CCSER1: variants seen among roughly 807,000 people sequenced by gnomAD.
CCSER1 encodes the protein coiled-coil serine rich protein 1, also known as serine-rich coiled-coil domain-containing protein 1.
CCSER1 carries 41 observed loss-of-function variants against 82.0 expected under a neutral mutation model. That is an observed-to-expected ratio of 0.50 (90% CI 0.39 to 0.65). The LOEUF is 0.65. Ranked by LOEUF, CCSER1 falls within the 30% of genes least tolerant of loss-of-function variation. The probability of loss-of-function intolerance (pLI) is 0.00; values close to 1 mark genes in which losing one functional copy is unlikely to be tolerated. For missense variants in CCSER1, 1,119 were observed against 1,064.2 expected, an observed-to-expected ratio of 1.05 and a Z score of -0.72; for synonymous variants, 414 against 383.9, an observed-to-expected ratio of 1.08 and a Z score of -0.92.
At chr4:90,753,951 G>T (rs1749111502) in intron 7 of CCSER1, among the ~76,000 whole-genome samples, 1 of 152,092 alleles carries the variant, frequency 6.6e-6, no homozygotes, top group South Asian at 2.1e-4. Flanking sequence ...GTATCATCCT[G>T]TCTTCACATT....
At chr4:90,764,288 TTTTA>T (rs1180200378) in intron 7 of CCSER1, among the ~76,000 whole-genome samples, 31 of 152,284 alleles carry the variant, frequency 2.0e-4, no homozygotes, top group African/African-American at 7.0e-4. Flanking sequence ...ACAGAATGTG[TTTTA>T]TTTGTTTGTT....
At chr4:91,473,648 T>G (rs1757406878) in intron 10 of CCSER1, among the ~76,000 whole-genome samples, 1 of 152,172 alleles carries the variant, frequency 6.6e-6, no homozygotes. Flanking sequence ...TGATATATAC[T>G]TCTTAGGTTT....
At chr4:91,398,583 G>A (rs896262484) in intron 10 of CCSER1, among the ~76,000 whole-genome samples, 19 of 151,888 alleles carry the variant, frequency 1.3e-4, no homozygotes, top group African/African-American at 2.2e-4. Flanking sequence ...TGGGGTATTC[G>A]TATTCATTAA....
At chr4:90,900,603 T>G (rs916391947) in intron 8 of CCSER1, among the ~76,000 whole-genome samples, 3 of 151,984 alleles carry the variant, frequency 2.0e-5, no homozygotes, top group African/African-American at 7.2e-5. Flanking sequence ...TTTTTTCATT[T>G]TCTTGTGTAG....
chr4:91,116,531 G>A lies in CCSER1; in HGVS notation c.2217+30537G>A, dbSNP rs539426425. On this transcript the variant is annotated intron_variant, in intron 10 of 10. Transcript: ENST00000509176. ...CCTCAGTTTTCTCCTCCTTAAAATG[G>A]GAGACAGTTGTGGTATCTACTTCAT... 3.9e-5 allele frequency among the ~76,000 whole-genome samples: 6 copies of A among 152,286 alleles called. No individual in the cohort carries two copies. The East Asian group carries it at 7.7e-4, about 20-fold the overall frequency.
chr4:90,515,276 G>C (rs1772112167), intron 5 of CCSER1, among the ~76,000 whole-genome samples: 1 of 152,148 alleles, frequency 6.6e-6, no homozygotes, highest in Non-Finnish European at 1.5e-5. Context: ...TAAAATTCTT[G>C]TTGATTATAG....
Position 90,723,993 on chromosome 4 carries a change from T to C in CCSER1, c.2010+2T>C. The stretch of plus-strand genomic sequence containing the variant: ...ACTGAAGAGCCAGTGCCTTTCAAGG[T>C]AAAAAACAAACAAGAAAGCATTATT... On this transcript the variant is annotated splice_donor_variant, in intron 7 of 10. Coordinates refer to ENST00000509176, the MANE Select transcript of CCSER1 (RefSeq NM_001145065.2). LOFTEE classifies it high-confidence loss of function. 6.5e-7 allele frequency: 1 copy of C among 1,537,654 alleles called. No individual in the cohort carries two copies. Among genetic ancestry groups the C allele is most frequent in the Non-Finnish European group, 8.8e-7 (1 of 1,130,504 alleles).
chr4:90,300,332 T>A (rs2153473516), intron 1 of CCSER1, among the ~76,000 whole-genome samples: 1 of 152,266 alleles, frequency 6.6e-6, no homozygotes, highest in South Asian at 2.1e-4. Flanking sequence ...ACCATGTACC[T>A]CTTGTTTGAA....
chr4:90,764,206 G>C (rs1750845592), intron 7 of CCSER1, among the ~76,000 whole-genome samples: 1 of 152,100 alleles, frequency 6.6e-6, no homozygotes, highest in African/African-American at 2.4e-5. Context: ...AAATCAATGA[G>C]AGCAAGCTTG....
At chr4:90,957,437 G>T (rs1473635048) in intron 9 of CCSER1, among the ~76,000 whole-genome samples, 4 of 142,276 alleles carry the variant, frequency 2.8e-5, no homozygotes, top group Non-Finnish European at 4.5e-5. Context: ...CTCTAAAAAC[G>T]AACAGCAATT....
rs528629530 is a variant in CCSER1 at position 90,480,946 on chromosome 4, T to G, written c.1724+12592T>G. ...AGTGGTAGCTTGATGGGGATGGCAT[T>G]GAATCTATAAATTAGTTTGGGCAGT... On this transcript the variant is annotated intron_variant, in intron 5 of 10. Transcript: ENST00000509176. Among the ~76,000 whole-genome samples, 7 of 152,326 alleles carry G rather than the reference T, an allele frequency of 4.6e-5. No individual in the cohort carries two copies. The South Asian group carries it at 1.4e-3, about 32-fold the overall frequency.
chr4:91,418,847 A>C (rs1470314031), intron 10 of CCSER1, among the ~76,000 whole-genome samples: 1 of 152,050 alleles, frequency 6.6e-6, no homozygotes, highest in East Asian at 1.9e-4. Flanking sequence ...AATCCTCAAG[A>C]AAATGCTAGC....
chr4:90,454,121 C>T (rs1000701292), intron 4 of CCSER1, among the ~76,000 whole-genome samples: 10 of 152,256 alleles, frequency 6.6e-5, no homozygotes, highest in East Asian at 3.9e-4. Flanking sequence ...TCCTGAAGTG[C>T]CTTGGCTTGC....
In CCSER1 at chr4:91,167,492, C is replaced by T. The variant is rs1320697545; in HGVS notation, c.2217+81498C>T. On this transcript the variant is annotated intron_variant, in intron 10 of 10. Coordinates refer to ENST00000509176, the MANE Select transcript of CCSER1 (RefSeq NM_001145065.2). ...AGCCACTGCACCCGGCCAAGAATTG[C>T]AATACTTAAACTTAAGTGCAATATC... Among the ~76,000 whole-genome samples the T allele has an allele frequency of 2.6e-5, 4 of 152,192 alleles. No homozygotes were observed. The East Asian group carries it at 5.8e-4, about 22-fold the overall frequency.
At chr4:91,139,406 C>T (rs28571183) in intron 10 of CCSER1, among the ~76,000 whole-genome samples, 2 of 151,994 alleles carry the variant, frequency 1.3e-5, no homozygotes, top group Non-Finnish European at 2.9e-5. Flanking sequence ...TTTGAGGACT[C>T]ATTTTTCTCA....
intron 5 of CCSER1, among the ~76,000 whole-genome samples, chr4:90,552,222 G>T (rs1021239963): frequency 1.3e-5 from 2 of 152,106 alleles, no homozygotes; most frequent in African/African-American, 4.8e-5. Flanking sequence ...TAGCACCATT[G>T]TATCCTCAGC....
intron 1 of CCSER1, among the ~76,000 whole-genome samples, chr4:90,274,276 A>G (rs569337111): frequency 6.6e-6 from 1 of 152,292 alleles, no homozygotes; most frequent in African/African-American, 2.4e-5. Flanking sequence ...TCATGTCATC[A>G]GGTGTGGAAG....
chr4:91,279,934 G>A (rs1742782547), intron 10 of CCSER1, among the ~76,000 whole-genome samples: 1 of 152,160 alleles, frequency 6.6e-6, no homozygotes. Flanking sequence ...TATCTGTGGT[G>A]TTCGTTGGAT....
intron 6 of CCSER1, among the ~76,000 whole-genome samples, chr4:90,702,069 C>A (rs538677228): frequency 1.9e-4 from 29 of 152,232 alleles, no homozygotes; most frequent in African/African-American, 6.5e-4. Flanking sequence ...AAAGGGAATG[C>A]TTCCAGTTTT....
Sources: gnomAD v4.1 joint callset for allele counts (sites outside exome capture counted in the v4.1 genomes callset) on GRCh38, gnomAD v4.1.1 for gene constraint, MANE v1.5 for transcripts, NCBI Gene and HGNC (gene_info 2026-07-23, HGNC 2026-07-21) for gene names.